Variants in FMN1 observed in about 807,000 individuals in gnomAD.
FMN1 encodes formin 1, also known as formin-1.
A neutral mutation model predicts 132.4 loss-of-function variants in FMN1; 110 were observed. The ratio of observed to expected loss-of-function variants is 0.83; its 90% CI spans 0.71 to 0.97. The LOEUF (loss-of-function observed/expected upper bound fraction) is 0.97. FMN1 is among the 50% of genes least tolerant of loss of function. FMN1 has a pLI of 0.00. For missense variants in FMN1, 1,792 were observed against 1,705.3 expected (o/e 1.05, Z -0.90); for synonymous variants, 722 against 651.7 (o/e 1.11, Z -1.64).
chr15:32,895,575 C>A (rs1453980371), intron 15 of FMN1, among the ~76,000 whole-genome samples: 1 of 151,736 alleles, frequency 6.6e-6, no homozygotes, highest in Non-Finnish European at 1.5e-5. Flanking sequence ...GACTTAGAGA[C>A]CTTAAACAGA....
chr15:33,178,863 A>G (rs988304444), intron 3 of FMN1, among the ~76,000 whole-genome samples: 1 of 152,182 alleles, frequency 6.6e-6, no homozygotes, highest in African/African-American at 2.4e-5. Flanking sequence ...TATTGTTCCT[A>G]TTTGATTAAA....
At chr15:33,040,431 A>G (rs2036378641) in intron 6 of FMN1, among the ~76,000 whole-genome samples, 1 of 151,606 alleles carries the variant, frequency 6.6e-6, no homozygotes. Context: ...ACAAAACAGA[A>G]AAAAACCATT....
At chr15:33,105,994 C>T (rs1024852570) in intron 4 of FMN1, 3 of 151,984 alleles carry the variant, frequency 2.0e-5, no homozygotes, top group Admixed American at 6.6e-5. Context: ...GGAAAGTACC[C>T]CTTAGAATGG....
At chr15:32,887,414 C>A (rs1427735893) in intron 16 of FMN1, among the ~76,000 whole-genome samples, 1 of 152,042 alleles carries the variant, frequency 6.6e-6, no homozygotes, top group Non-Finnish European at 1.5e-5. Context: ...AGTAAAAACA[C>A]GAGACTCTAG....
chr15:32,949,986 C>T (rs200597212), intron 9 of FMN1, among the ~76,000 whole-genome samples: 2,533 of 6,018 alleles, frequency 0.42, 700 homozygotes, highest in East Asian at 0.54. Flanking sequence ...TATACACACA[C>T]ATATATATAC....
rs114218208 is a variant in FMN1 at position 32,824,749 on chromosome 15, G to A, written c.3929-20417C>T. ...GCTGGGACTACAGGTGTGAGCCACC[G>A]TGCCCCAGCCCTCTGTTTTATAATT... is the stretch of plus-strand genomic sequence containing the variant. On this transcript the variant is annotated intron_variant, in intron 17 of 20. Transcript: ENST00000616417. 5.5e-3 allele frequency among the ~76,000 whole-genome samples: 833 copies of A among 152,246 alleles called. 3 individuals carry two copies. The highest frequency in any genetic ancestry group is 0.016 in the African/African-American group (672 of 41,546).
chr15:33,173,502 A>G (rs1009336721), intron 3 of FMN1, among the ~76,000 whole-genome samples: 2 of 152,260 alleles, frequency 1.3e-5, no homozygotes, highest in African/African-American at 4.8e-5. Flanking sequence ...AGAACTCAAA[A>G]TGGTCATTGG....
At chr15:32,989,771 G>A (rs1295437382) in intron 7 of FMN1, among the ~76,000 whole-genome samples, 1 of 152,100 alleles carries the variant, frequency 6.6e-6, no homozygotes, top group East Asian at 1.9e-4. Context: ...CAAGCAGTGA[G>A]TATATATGAA....
At chr15:33,101,411 C>G (rs2039289064) in intron 4 of FMN1, among the ~76,000 whole-genome samples, 1 of 151,712 alleles carries the variant, frequency 6.6e-6, no homozygotes, top group South Asian at 2.1e-4. Flanking sequence ...GAAAAATTGT[C>G]TTTAGCCACA....
At chr15:33,121,355 T>A (rs1044853523) in intron 4 of FMN1, among the ~76,000 whole-genome samples, 4 of 152,332 alleles carry the variant, frequency 2.6e-5, no homozygotes, top group African/African-American at 9.6e-5. Context: ...TCACATTCAA[T>A]GCCAGTGTCA....
rs190689401 is a variant in FMN1, at chr15:33,030,027, G to A, written c.2162-21952C>T. ...AAAAAAAATAGCTGGGCGTGGTGGC[G>A]GGTACCTGTAGTCCCAGCTACTCGG... is the stretch of plus-strand genomic sequence containing the variant. On this transcript the variant is annotated intron_variant, in intron 6 of 20. Coordinates refer to ENST00000616417, the MANE Select transcript of FMN1 (RefSeq NM_001277313.2). Among the ~76,000 whole-genome samples, 330 of 152,240 alleles carry A rather than the reference G, an allele frequency of 2.2e-3. 1 individual carries two copies. Among genetic ancestry groups the A allele is most frequent in the African/African-American group, 3.1e-3 (128 of 41,522 alleles).
At chr15:33,122,977 T>C (rs1309452548) in intron 4 of FMN1, among the ~76,000 whole-genome samples, 1 of 151,976 alleles carries the variant, frequency 6.6e-6, no homozygotes, top group Admixed American at 6.6e-5. Flanking sequence ...TGCTAGGTAA[T>C]TAATGTCACA....
intron 3 of FMN1, among the ~76,000 whole-genome samples, chr15:33,160,757 A>G (rs1285985048): frequency 6.6e-6 from 1 of 152,194 alleles, no homozygotes; most frequent in Non-Finnish European, 1.5e-5. Flanking sequence ...GGTTATGTTC[A>G]AGGTAAAAGC....
Position 32,943,641 on chromosome 15 carries a change from A to G in FMN1, c.3139-17380T>C, listed in dbSNP as rs536226122. On this transcript the variant is annotated intron_variant, in intron 9 of 20. Coordinates refer to ENST00000616417, the MANE Select transcript of FMN1 (RefSeq NM_001277313.2). ...TAGAGATGCAGAAATTGTTTCACTTATTCAAGGGCTACAGGCTCTGATGAT... is the reference window on the plus strand; with the variant it reads ...TAGAGATGCAGAAATTGTTTCACTTGTTCAAGGGCTACAGGCTCTGATGAT... 8.5e-5 allele frequency among the ~76,000 whole-genome samples: 13 copies of G among 152,348 alleles called. No homozygotes were observed. In the South Asian group the frequency reaches 2.3e-3, roughly 27 times the overall value.
chr15:32,834,017 T>A (rs2058566868), intron 17 of FMN1, among the ~76,000 whole-genome samples: 1 of 152,178 alleles, frequency 6.6e-6, no homozygotes, highest in South Asian at 2.1e-4. Context: ...TTCTCATCAT[T>A]TTTTCTGATT....
intron 18 of FMN1, among the ~76,000 whole-genome samples, chr15:32,803,828 C>T (rs556241995): frequency 5.4e-4 from 82 of 152,292 alleles, no homozygotes; most frequent in African/African-American, 1.7e-3. Context: ...TGTCATGACA[C>T]GCATGTGAGG....
chr15:32,879,892 C>A (rs571368100), intron 16 of FMN1, among the ~76,000 whole-genome samples: 2 of 152,086 alleles, frequency 1.3e-5, no homozygotes, highest in Non-Finnish European at 2.9e-5. Context: ...TATACGTGCA[C>A]GCAGTTTAAA....
intron 3 of FMN1, among the ~76,000 whole-genome samples, chr15:33,170,777 C>A (rs1298770752): frequency 6.6e-6 from 1 of 152,034 alleles, no homozygotes; most frequent in Non-Finnish European, 1.5e-5. Context: ...GGAACTCATA[C>A]ACTGTTGGTG....
At chr15:33,033,584 C>A (rs1214442838) in intron 6 of FMN1, among the ~76,000 whole-genome samples, 3 of 151,986 alleles carry the variant, frequency 2.0e-5, no homozygotes, top group African/African-American at 7.2e-5. Flanking sequence ...TTCTGGCATA[C>A]AAAAATGTCT....
Sources: allele counts gnomAD v4.1 joint callset (sites outside exome capture counted in the v4.1 genomes callset), GRCh38; gene constraint gnomAD v4.1.1; transcripts MANE v1.5; gene names NCBI Gene and HGNC (gene_info 2026-07-23, HGNC 2026-07-21).